The following STK33 variants were observed in gnomAD, a reference collection of about 807,000 sequenced individuals.
STK33 encodes serine/threonine kinase 33.
STK33 carries 52 observed loss-of-function variants against 58.0 expected under a neutral mutation model. The ratio of observed to expected loss-of-function variants is 0.90; its 90% CI spans 0.72 to 1.13. The LOEUF (loss-of-function observed/expected upper bound fraction) is 1.13. STK33 is among the 50% of genes most tolerant of loss of function. The pLI is 0.00. For synonymous variants in STK33, 215 were observed against 200.1 expected (o/e 1.07, Z -0.63); for missense variants, 630 against 604.2 (o/e 1.04, Z -0.45).
intron 14 of STK33, among the ~76,000 whole-genome samples, chr11:8,425,457 T>C (rs1277539325): frequency 6.6e-6 from 1 of 152,224 alleles, no homozygotes; most frequent in Non-Finnish European, 1.5e-5. Flanking sequence ...TAGGGCTGAC[T>C]TGGCAATGTG....
At chr11:8,537,231 C>G (rs1955105671) in intron 1 of STK33, among the ~76,000 whole-genome samples, 1 of 151,788 alleles carries the variant, frequency 6.6e-6, no homozygotes, top group Non-Finnish European at 1.5e-5. Context: ...CCGCCGACCT[C>G]AGCCTCCCAA....
chr11:8,540,751 A>T (rs1263055868), intron 1 of STK33, among the ~76,000 whole-genome samples: 1 of 152,166 alleles, frequency 6.6e-6, no homozygotes, highest in African/African-American at 2.4e-5. Context: ...GGGGCGGGAG[A>T]GGAAACAAAG....
intron 1 of STK33, among the ~76,000 whole-genome samples, chr11:8,576,921 T>C (rs1382599262): frequency 1.3e-5 from 2 of 152,170 alleles, no homozygotes; most frequent in South Asian, 2.1e-4. Context: ...GAATAAGACA[T>C]GAAAGAATTG....
the STK33 span, among the ~76,000 whole-genome samples, chr11:8,336,104 G>T: frequency 6.6e-6 from 1 of 152,226 alleles, no homozygotes; most frequent in Admixed American, 6.5e-5. Flanking sequence ...AGATGGAAGA[G>T]CCCTGGGCTG....
intron 15 of STK33, among the ~76,000 whole-genome samples, chr11:8,410,962 C>A (rs537535236): frequency 1.6e-3 from 237 of 152,334 alleles, no homozygotes; most frequent in Non-Finnish European, 3.1e-3. Flanking sequence ...ACATTCATTT[C>A]TCTCCAATTG....
downstream of STK33, among the ~76,000 whole-genome samples, chr11:8,388,214 C>T (rs1848570711): frequency 6.6e-6 from 1 of 152,162 alleles, no homozygotes; most frequent in Admixed American, 6.5e-5. Flanking sequence ...TGCAAAAGTC[C>T]TATTAATCTT....
intron 1 of STK33, among the ~76,000 whole-genome samples, chr11:8,530,077 G>A (rs1270170479): frequency 6.6e-6 from 1 of 152,184 alleles, no homozygotes; most frequent in African/African-American, 2.4e-5. Context: ...CTGCTCCTTA[G>A]GATGGAAGAG....
At chr11:8,359,596 C>CA in the STK33 span, among the ~76,000 whole-genome samples, 1 of 152,192 alleles carries the variant, frequency 6.6e-6, no homozygotes, top group East Asian at 1.9e-4. Flanking sequence ...CGCGCCTCCT[C>CA]AGTCACTTGC....
At chr11:8,529,318 G>T (rs1340559164) in intron 1 of STK33, among the ~76,000 whole-genome samples, 3 of 152,168 alleles carry the variant, frequency 2.0e-5, no homozygotes, top group Non-Finnish European at 4.4e-5. Context: ...TAGAGAGTGT[G>T]AGTAGAACCT....
At chr11:8,440,882 G>T in intron 11 of STK33, 129 bp from the exon 12 acceptor site, 1 of 867,732 alleles carries the variant, frequency 1.2e-6, no homozygotes, top group Non-Finnish European at 1.7e-6. Flanking sequence ...AGAACCAACA[G>T]CAGATCTTAA....
downstream of STK33, among the ~76,000 whole-genome samples, chr11:8,390,342 G>T (rs530738027): frequency 6.6e-6 from 1 of 152,328 alleles, no homozygotes; most frequent in South Asian, 2.1e-4. Context: ...ATGGAGCACA[G>T]GAGGTGTCAC....
the STK33 span, among the ~76,000 whole-genome samples, chr11:8,349,049 T>C: frequency 6.6e-6 from 1 of 152,180 alleles, no homozygotes; most frequent in Non-Finnish European, 1.5e-5. Context: ...GAGCACCCTT[T>C]CTCTGCAGAG....
chr11:8,343,575 C>G, the STK33 span, among the ~76,000 whole-genome samples: 2 of 152,190 alleles, frequency 1.3e-5, no homozygotes, highest in African/African-American at 4.8e-5. Context: ...AGGGTGGGGA[C>G]TGGGTGCCCG....
chr11:8,437,098 T>G (rs1944168074), intron 12 of STK33, among the ~76,000 whole-genome samples: 1 of 152,214 alleles, frequency 6.6e-6, no homozygotes, highest in Non-Finnish European at 1.5e-5. Flanking sequence ...AGGGTCTGAA[T>G]GTGGAAAAAT....
At chr11:8,572,985 G>A (rs1294161609) in intron 1 of STK33, among the ~76,000 whole-genome samples, 1 of 151,908 alleles carries the variant, frequency 6.6e-6, no homozygotes, top group Non-Finnish European at 1.5e-5. Flanking sequence ...GCAGAAAAAA[G>A]AGGTGAAGTA....
At chr11:8,355,368 A>G in the STK33 span, among the ~76,000 whole-genome samples, 24 of 152,210 alleles carry the variant, frequency 1.6e-4, no homozygotes, top group African/African-American at 5.5e-4. Flanking sequence ...CAAATCTGTC[A>G]TTTCATTTAT....
chr11:8,367,193 A>G, the STK33 span, among the ~76,000 whole-genome samples: 2 of 152,370 alleles, frequency 1.3e-5, no homozygotes, highest in South Asian at 4.1e-4. Flanking sequence ...TCATGTTTGT[A>G]GACAATGGAG....
At chr11:8,411,642 C>T (rs529578864) in intron 15 of STK33, among the ~76,000 whole-genome samples, 1 of 152,298 alleles carries the variant, frequency 6.6e-6, no homozygotes, top group Non-Finnish European at 1.5e-5. Flanking sequence ...GCAAGAATTA[C>T]TGTTATGGCA....
At chr11:8,396,557 G>A (rs1348096761) in intron 15 of STK33, among the ~76,000 whole-genome samples, 2 of 152,238 alleles carry the variant, frequency 1.3e-5, no homozygotes, top group Non-Finnish European at 2.9e-5. Context: ...GAGTGACGCA[G>A]AAGATGGGTG....
Sources: allele counts gnomAD v4.1 joint callset (sites outside exome capture counted in the v4.1 genomes callset), GRCh38; gene constraint gnomAD v4.1.1; transcripts MANE v1.5; gene names NCBI Gene and HGNC (gene_info 2026-07-23, HGNC 2026-07-21).